MYO18B: variants seen among roughly 807,000 people sequenced by gnomAD.
MYO18B encodes myosin XVIIIB, also known as unconventional myosin-XVIIIb.
A neutral mutation model predicts 273.0 loss-of-function variants in MYO18B; 204 were observed. The observed-to-expected ratio is 0.75, with a 90% CI of 0.67 to 0.84. The LOEUF (loss-of-function observed/expected upper bound fraction) is 0.84. MYO18B is among the 40% of genes least tolerant of loss of function. The probability of loss-of-function intolerance (pLI) is 0.00; values close to 1 mark genes in which losing one functional copy is unlikely to be tolerated. For missense variants in MYO18B, 3,212 were observed against 3,287.6 expected, an observed-to-expected ratio of 0.98 and a Z score of 0.56; for synonymous variants, 1,330 against 1,305.7, an observed-to-expected ratio of 1.02 and a Z score of -0.40.
intron 40 of MYO18B, among the ~76,000 whole-genome samples, chr22:26,002,869 A>G (rs1000598084): frequency 2.0e-5 from 3 of 152,160 alleles, no homozygotes; most frequent in African/African-American, 7.2e-5. Context: ...GCCCTGCTCC[A>G]TGTCTGATTT....
chr22:26,060,628 C>G, the MYO18B span, among the ~76,000 whole-genome samples: 15 of 151,994 alleles, frequency 9.9e-5, no homozygotes, highest in Admixed American at 3.9e-4. Flanking sequence ...CACATATACA[C>G]AAATATACAT....
the MYO18B span, among the ~76,000 whole-genome samples, chr22:26,051,425 G>A: frequency 3.9e-5 from 6 of 152,000 alleles, no homozygotes; most frequent in East Asian, 3.9e-4. Flanking sequence ...GGGTTTCATC[G>A]TGTTAACCAG....
At chr22:26,003,373 G>T (rs1246579728) in intron 41 of MYO18B, 64 bp downstream of exon 41, 3 of 1,404,086 alleles carry the variant, frequency 2.1e-6, no homozygotes, top group Admixed American at 3.8e-5. Flanking sequence ...TCTCTGTCCA[G>T]TTTGCAGAGG....
At chr22:25,972,451 TG>T (rs1182144361) in intron 39 of MYO18B, among the ~76,000 whole-genome samples, 2 of 152,268 alleles carry the variant, frequency 1.3e-5, no homozygotes, top group African/African-American at 4.8e-5. Flanking sequence ...GTGTGACTTA[TG>T]GCTTTACTTT....
chr22:25,769,256 A>G lies in MYO18B; in HGVS notation c.1340A>G (p.Glu447Gly), dbSNP rs757099949. 3 of 1,593,704 alleles carry G rather than the reference A, an allele frequency of 1.9e-6. No individual in the cohort carries two copies. The highest frequency in any genetic ancestry group is 3.6e-5 in the Admixed American group (2 of 56,190). The part of the protein sequence containing the change: ...WPGSRGQEAE[E>G]PCSRAGDGAG... ...GGAAGCCGTGGGCAGGAAGCAGAGG[A>G]GCCCTGCTCAAGAGCAGGTGATGGG... is the stretch of plus-strand genomic sequence containing the variant. Residue 447 changes from glutamate to glycine, a missense_variant, in exon 4 of 44, where the codon GAG (glutamate) becomes GGG (glycine). Glu to Gly is a moderately conservative substitution (Grantham distance 98, BLOSUM62 -2). Transcript: ENST00000335473.
At position 25,770,983 on chromosome 22, in the gene MYO18B, G is replaced by T; in HGVS notation, c.1691G>T (p.Arg564Leu). Residue 564 changes from arginine (R) to leucine (L), a missense_variant and splice_region_variant, in exon 6 of 44, where the codon CGG becomes CTG. Transcript: ENST00000335473. ...GAGGTGGATGAGGAGCATGTCCATC[G>T]GGTGAGTCCCCTGTCCCGCCGTCCC... is the stretch of plus-strand genomic sequence containing the variant. ...ITEVDEEHVH[R>L]ANPPELDQVE... 1 of 1,550,502 alleles carries T rather than the reference G, an allele frequency of 6.4e-7. No individual in the cohort carries two copies. The highest frequency in any genetic ancestry group is 8.7e-7 in the Non-Finnish European group (1 of 1,145,694).
intron 25 of MYO18B, among the ~76,000 whole-genome samples, chr22:25,878,837 T>C (rs1004102243): frequency 6.6e-6 from 1 of 152,242 alleles, no homozygotes; most frequent in Non-Finnish European, 1.5e-5. Flanking sequence ...CTGTGAAAGT[T>C]GAACCTGTCC....
At chr22:25,962,767 A>G (rs566664151) in intron 39 of MYO18B, among the ~76,000 whole-genome samples, 21 of 152,330 alleles carry the variant, frequency 1.4e-4, no homozygotes, top group African/African-American at 5.1e-4. Context: ...AGTTTCTTGA[A>G]TGATAAAGCA....
rs200463817 is a variant in MYO18B at position 25,769,073 on chromosome 22, G to A, written c.1157G>A (p.Gly386Asp). The change falls in exon 4 of 44, where the codon GGT (glycine) becomes GAT (aspartate). Residue 386 changes from glycine (G) to aspartate (D), a missense_variant. Physicochemically the swap from Gly to Asp is moderately conservative, Grantham distance 94. Coordinates refer to ENST00000335473, the MANE Select transcript of MYO18B (RefSeq NM_032608.7). Reference protein sequence around the residue: ...GELRSTTGKAGESWDKKEKMG... With the variant: ...GELRSTTGKADESWDKKEKMG... The stretch of plus-strand genomic sequence containing the variant: ...CTTCGGAGCACGACTGGGAAGGCAG[G>A]TGAGTCCTGGGATAAGAAGGAAAAG... 444 of 1,612,970 alleles carry A rather than the reference G, an allele frequency of 2.8e-4. No individual in the cohort carries two copies. The highest frequency in any genetic ancestry group is 3.7e-4 in the Non-Finnish European group (436 of 1,179,482).
chr22:26,008,128 T>A (rs1934585060), intron 42 of MYO18B, among the ~76,000 whole-genome samples: 2 of 152,244 alleles, frequency 1.3e-5, no homozygotes. Context: ...CTTACCAGTA[T>A]GCATAAGTTC....
At chr22:25,826,544 G>C in intron 14 of MYO18B, 45 bp downstream of exon 14, 1 of 1,520,498 alleles carries the variant, frequency 6.6e-7, no homozygotes, top group East Asian at 2.3e-5. Context: ...TCTTGCAGGT[G>C]CACAGATGAA....
chr22:25,937,007 A>G (rs1382487798), intron 34 of MYO18B, among the ~76,000 whole-genome samples: 1 of 152,126 alleles, frequency 6.6e-6, no homozygotes, highest in African/African-American at 2.4e-5. Context: ...CTTGATACTA[A>G]GTAGTTGTGA....
chr22:25,970,408 G>C (rs569585282), intron 39 of MYO18B, among the ~76,000 whole-genome samples: 2 of 152,118 alleles, frequency 1.3e-5, no homozygotes, highest in African/African-American at 4.8e-5. Flanking sequence ...CTTGTGACCT[G>C]TGAGTTCATA....
Position 25,832,994 on chromosome 22 carries a change from T to C in MYO18B, c.3057T>C (p.Ser1019=). 2 of 1,613,806 alleles carry C rather than the reference T, an allele frequency of 1.2e-6. No individual in the cohort carries two copies. The highest frequency in any genetic ancestry group is 1.1e-5 in the South Asian group (1 of 91,064). ...TGGCTGTTGTGGATCAAAATCCCTC[T>C]CAGGTAACACAGGGCCCAGCCAATC... ...TTVAVVDQNP[S]QVRLPAGGGA... is the part of the protein sequence containing the mutation. Residue 1019 remains serine (S), a synonymous_variant, in exon 16 of 44, where the codon TCT becomes TCC. Transcript: ENST00000335473.
chr22:25,856,136 C>T (rs1326299041), intron 21 of MYO18B, among the ~76,000 whole-genome samples: 3 of 152,270 alleles, frequency 2.0e-5, no homozygotes, highest in African/African-American at 7.2e-5. Context: ...AGCAGCTGTA[C>T]CATTTTGCAT....
At chr22:25,763,847 T>C (rs915474352) in intron 3 of MYO18B, among the ~76,000 whole-genome samples, 5 of 152,224 alleles carry the variant, frequency 3.3e-5, no homozygotes, top group African/African-American at 1.2e-4. Context: ...ACTTGAACAC[T>C]ATTTTTATAG....
intron 34 of MYO18B, among the ~76,000 whole-genome samples, chr22:25,927,755 C>T (rs920851482): frequency 1.3e-5 from 2 of 152,136 alleles, no homozygotes; most frequent in Admixed American, 1.3e-4. Flanking sequence ...TGTGATGTCT[C>T]CCCCGGACAC....
chr22:25,944,971 G>A lies in MYO18B; in HGVS notation c.5518-1166G>A, dbSNP rs570314961. The stretch of plus-strand genomic sequence containing the variant: ...GGGCGTGTCTGTCACCTGGGGCCAC[G>A]TACATAAGTAATTGGATGAATCTTG... On this transcript the variant is annotated intron_variant, in intron 34 of 43. Transcript: ENST00000335473. 3.9e-5 allele frequency among the ~76,000 whole-genome samples: 6 copies of A among 152,182 alleles called. No individual in the cohort carries two copies. The South Asian group carries it at 1.0e-3, about 26-fold the overall frequency.
intron 1 of MYO18B, among the ~76,000 whole-genome samples, chr22:25,748,662 C>T (rs1053214730): frequency 2.0e-5 from 3 of 152,200 alleles, no homozygotes; most frequent in Non-Finnish European, 4.4e-5. Flanking sequence ...CTTCATCTCA[C>T]CACCCCATCT....
Sources: allele counts gnomAD v4.1 joint callset (sites outside exome capture counted in the v4.1 genomes callset), GRCh38; gene constraint gnomAD v4.1.1; transcripts MANE v1.5; gene names NCBI Gene and HGNC (gene_info 2026-07-23, HGNC 2026-07-21).